MACROD2: variants seen among roughly 807,000 people sequenced by gnomAD.
MACROD2 encodes mono-ADP ribosylhydrolase 2.
Under a neutral mutation model 70.4 loss-of-function variants are expected in MACROD2, and 36 were observed. The observed-to-expected ratio is 0.51, with a 90% CI of 0.39 to 0.68. MACROD2 has a LOEUF of 0.68. Among genes scored for constraint, MACROD2 ranks in the 30% least tolerant of loss-of-function variants. The pLI, the probability that MACROD2 is intolerant of heterozygous loss-of-function variation, is 0.00. For synonymous variants in MACROD2, 172 were observed against 178.8 expected (o/e 0.96, Z 0.30); for missense variants, 496 against 538.4 (o/e 0.92, Z 0.78).
intron 6 of MACROD2, among the ~76,000 whole-genome samples, chr20:15,386,788 T>C (rs2045719330): frequency 6.6e-6 from 1 of 152,198 alleles, no homozygotes; most frequent in African/African-American, 2.4e-5. Flanking sequence ...ATTGACCAAA[T>C]CATTAGAAAA....
chr20:14,863,641 A>T (rs1054152416), intron 5 of MACROD2, among the ~76,000 whole-genome samples: 20 of 152,086 alleles, frequency 1.3e-4, no homozygotes, highest in Non-Finnish European at 2.8e-4. Context: ...TATCTGGCTT[A>T]ATATATATAA....
intron 7 of MACROD2, among the ~76,000 whole-genome samples, chr20:15,489,253 GAGA>G (rs1274140541): frequency 6.6e-6 from 1 of 152,180 alleles, no homozygotes; most frequent in Admixed American, 6.5e-5. Context: ...AGATGAGGAT[GAGA>G]AGAAGTACAG....
chr20:14,219,728 T>C (rs1373179349), intron 3 of MACROD2, among the ~76,000 whole-genome samples: 2 of 152,200 alleles, frequency 1.3e-5, no homozygotes, highest in African/African-American at 4.8e-5. Context: ...GTTCCCTTGA[T>C]GTAGTACTCT....
chr20:14,818,721 T>C (rs1335696344), intron 5 of MACROD2, among the ~76,000 whole-genome samples: 2 of 151,880 alleles, frequency 1.3e-5, no homozygotes, highest in Non-Finnish European at 2.9e-5. Context: ...TATGTACTTA[T>C]TAATCTAGAA....
At chr20:14,804,357 A>G (rs1349677437) in intron 5 of MACROD2, among the ~76,000 whole-genome samples, 1 of 152,054 alleles carries the variant, frequency 6.6e-6, no homozygotes, top group Non-Finnish European at 1.5e-5. Context: ...GGTATTTTCT[A>G]GCAGTTGTGC....
chr20:14,781,697 T>C (rs1395636700), intron 5 of MACROD2, among the ~76,000 whole-genome samples: 1 of 151,680 alleles, frequency 6.6e-6, no homozygotes, highest in Non-Finnish European at 1.5e-5. Context: ...TAAATGTACA[T>C]ACAGAAAAAT....
chr20:15,831,764 C>G (rs920112863), intron 8 of MACROD2, among the ~76,000 whole-genome samples: 1 of 152,144 alleles, frequency 6.6e-6, no homozygotes, highest in Non-Finnish European at 1.5e-5. Context: ...GACCTAGTCA[C>G]TCCTCAGACT....
intron 2 of MACROD2, among the ~76,000 whole-genome samples, chr20:14,028,141 G>A (rs1051544203): frequency 2.0e-5 from 3 of 152,194 alleles, no homozygotes. Context: ...GAGGCAGTAT[G>A]GCTACAGCGG....
At chr20:14,924,572 G>T (rs1372480268) in intron 5 of MACROD2, among the ~76,000 whole-genome samples, 1 of 152,160 alleles carries the variant, frequency 6.6e-6, no homozygotes, top group African/African-American at 2.4e-5. Flanking sequence ...GTAGATGAGA[G>T]CATTTATTTA....
rs1166292002 is a variant in MACROD2 at position 14,110,108 on chromosome 20, G to A, written c.271+24380G>A. 2.6e-5 allele frequency among the ~76,000 whole-genome samples: 4 copies of A among 151,626 alleles called. No individual in the cohort carries two copies. The East Asian group carries it at 7.7e-4, about 29-fold the overall frequency. On this transcript the variant is annotated intron_variant, in intron 3 of 17. Coordinates refer to ENST00000684519, the MANE Select transcript of MACROD2 (RefSeq NM_001351661.2). ...AATCAGTGTGATGCATTATATCTAT[G>A]GAATGAAAGACAAAAACCGTATGAT...
At chr20:15,446,636 T>G (rs1041480553) in intron 7 of MACROD2, among the ~76,000 whole-genome samples, 1 of 152,166 alleles carries the variant, frequency 6.6e-6, no homozygotes, top group Non-Finnish European at 1.5e-5. Flanking sequence ...TGCATATAAT[T>G]ACAGGAACCT....
intron 8 of MACROD2, among the ~76,000 whole-genome samples, chr20:15,564,133 T>A (rs1474711302): frequency 6.6e-6 from 1 of 152,200 alleles, no homozygotes; most frequent in East Asian, 1.9e-4. Context: ...CCTTGAAAGA[T>A]AATTATACTG....
chr20:14,441,000 A>G (rs535406355), intron 3 of MACROD2, among the ~76,000 whole-genome samples: 2 of 152,280 alleles, frequency 1.3e-5, no homozygotes, highest in African/African-American at 4.8e-5. Context: ...ACACAACCTG[A>G]GCAACACACT....
chr20:15,933,048 C>A (rs1030370889), intron 10 of MACROD2, among the ~76,000 whole-genome samples: 1 of 152,008 alleles, frequency 6.6e-6, no homozygotes, highest in Non-Finnish European at 1.5e-5. Flanking sequence ...TTGTTTACTG[C>A]GGTTAAACAT....
At chr20:14,493,250 A>T (rs545164244) in intron 3 of MACROD2, among the ~76,000 whole-genome samples, 1 of 152,158 alleles carries the variant, frequency 6.6e-6, no homozygotes, top group South Asian at 2.1e-4. Flanking sequence ...GAAATATATT[A>T]TAAAAATAGC....
At chr20:15,075,235 A>G (rs1363003515) in intron 5 of MACROD2, among the ~76,000 whole-genome samples, 2 of 152,154 alleles carry the variant, frequency 1.3e-5, no homozygotes, top group African/African-American at 2.4e-5. Flanking sequence ...ACGAGCATAT[A>G]AAGGGAGAGA....
chr20:15,905,866 T>C (rs2065139813), intron 10 of MACROD2, among the ~76,000 whole-genome samples: 1 of 152,316 alleles, frequency 6.6e-6, no homozygotes, highest in Non-Finnish European at 1.5e-5. Context: ...CTACCTCTTG[T>C]CACTCTGGAG....
intron 2 of MACROD2, among the ~76,000 whole-genome samples, chr20:14,032,366 T>G (rs1013344436): frequency 1.3e-5 from 2 of 152,138 alleles, no homozygotes; most frequent in South Asian, 4.1e-4. Context: ...AACACTTAAG[T>G]AAAACTTCCA....
chr20:15,471,153 C>A (rs2046959890), intron 7 of MACROD2, among the ~76,000 whole-genome samples: 1 of 152,164 alleles, frequency 6.6e-6, no homozygotes, highest in Non-Finnish European at 1.5e-5. Flanking sequence ...TTTTCCAATT[C>A]TCTTCCAAAA....
Sources: allele counts gnomAD v4.1 joint callset (sites outside exome capture counted in the v4.1 genomes callset), GRCh38; gene constraint gnomAD v4.1.1; transcripts MANE v1.5; gene names NCBI Gene and HGNC (gene_info 2026-07-23, HGNC 2026-07-21).